The following GUCA1C variants were observed in gnomAD, a reference collection of about 807,000 sequenced individuals.
The protein encoded by GUCA1C is guanylyl cyclase-activating protein 3.
In GUCA1C, 15 loss-of-function variants were observed where a neutral mutation model predicts 16.2. That is an observed-to-expected ratio of 0.93 (90% CI 0.62 to 1.43). The LOEUF (loss-of-function observed/expected upper bound fraction) is 1.43. GUCA1C is among the 40% of genes most tolerant of loss of function. GUCA1C has a pLI of 0.00. For synonymous variants in GUCA1C, 78 were observed against 85.4 expected (o/e 0.91, Z 0.48); for missense variants, 275 against 244.8 (o/e 1.12, Z -0.82).
At chr3:108,946,268 T>C (rs1576557349) in intron 1 of GUCA1C, among the ~76,000 whole-genome samples, 1 of 152,138 alleles carries the variant, frequency 6.6e-6, no homozygotes, top group African/African-American at 2.4e-5. Context: ...TCTGAGACTA[T>C]AGATGTGAGC....
At position 108,927,498 on chromosome 3, in the gene GUCA1C, G is replaced by A. The variant is rs1196198540; in HGVS notation, c.205-6913C>T. ...AAAAGCCTTGTCTTTGAGCTCTAAA[G>A]TTCTTTCTTATGCTTATTTGATTCT... On this transcript the variant is annotated intron_variant, in intron 1 of 3. Transcript: ENST00000261047. Among the ~76,000 whole-genome samples the A allele has an allele frequency of 1.1e-4, 16 of 145,788 alleles. No individual in the cohort carries two copies. In the Admixed American group the frequency reaches 1.1e-3, roughly 10 times the overall value.
intron 2 of GUCA1C, among the ~76,000 whole-genome samples, chr3:108,917,158 T>C (rs1465147362): frequency 6.6e-6 from 1 of 152,226 alleles, no homozygotes; most frequent in Non-Finnish European, 1.5e-5. Context: ...AATAGTTACA[T>C]ACATACAGCA....
intron 1 of GUCA1C, among the ~76,000 whole-genome samples, chr3:108,940,672 T>G (rs368935065): frequency 6.6e-6 from 1 of 152,202 alleles, no homozygotes; most frequent in African/African-American, 2.4e-5. Flanking sequence ...GAAACACCTT[T>G]CGTTTGGAAA....
chr3:108,909,393 A>G (rs977573395), intron 3 of GUCA1C, among the ~76,000 whole-genome samples: 12 of 152,186 alleles, frequency 7.9e-5, no homozygotes, highest in African/African-American at 2.7e-4. Flanking sequence ...CAAATTTTTA[A>G]AAGTGGTATG....
intron 1 of GUCA1C, among the ~76,000 whole-genome samples, chr3:108,940,036 G>C (rs139631936): frequency 1.3e-5 from 2 of 152,244 alleles, no homozygotes; most frequent in East Asian, 3.9e-4. Context: ...GTCTTTAACA[G>C]GTAAAATTCT....
intron 1 of GUCA1C, among the ~76,000 whole-genome samples, chr3:108,940,102 A>C (rs1946770670): frequency 6.6e-6 from 1 of 152,196 alleles, no homozygotes; most frequent in Admixed American, 6.5e-5. Flanking sequence ...ATTCTTTGTA[A>C]ATTATGAAGT....
upstream of GUCA1C, among the ~76,000 whole-genome samples, chr3:108,954,146 C>T (rs1946927145): frequency 6.6e-6 from 1 of 152,192 alleles, no homozygotes; most frequent in Non-Finnish European, 1.5e-5. Context: ...AGCCTAGATT[C>T]TATGCTTTGT....
At chr3:108,925,814 T>C (rs577895812) in intron 1 of GUCA1C, among the ~76,000 whole-genome samples, 1 of 152,284 alleles carries the variant, frequency 6.6e-6, no homozygotes, top group East Asian at 1.9e-4. Flanking sequence ...AGGCTGGGCA[T>C]AGTGGCTCAC....
At chr3:108,952,312 G>A (rs2593927) in intron 1 of GUCA1C, among the ~76,000 whole-genome samples, 18,518 of 152,122 alleles carry the variant, frequency 0.12, 1,193 homozygotes, top group Non-Finnish European at 0.15. Context: ...TAACAAAAGC[G>A]GAATCTGTCA....
At chr3:108,939,680 G>T (rs1946766354) in intron 1 of GUCA1C, among the ~76,000 whole-genome samples, 1 of 151,376 alleles carries the variant, frequency 6.6e-6, no homozygotes, top group Non-Finnish European at 1.5e-5. Flanking sequence ...CAGAAGAACT[G>T]CTTCTGAATT....
At chr3:108,911,103 C>T (rs1479742508) in intron 3 of GUCA1C, among the ~76,000 whole-genome samples, 1 of 152,118 alleles carries the variant, frequency 6.6e-6, no homozygotes. Flanking sequence ...AGGTCAGTAT[C>T]ACTGGTGGCC....
rs374024006 is a variant in GUCA1C, at chr3:108,928,917, T to C, written c.205-8332A>G. Among the ~76,000 whole-genome samples the C allele has an allele frequency of 2.0e-5, 3 of 152,352 alleles. No homozygotes were observed. The East Asian group carries it at 5.8e-4, about 29-fold the overall frequency. On this transcript the variant is annotated intron_variant, in intron 1 of 3. Coordinates refer to ENST00000261047, the MANE Select transcript of GUCA1C (RefSeq NM_005459.4). ...TCTCCTTCAATATTATATTGGCGAT[T>C]CTGGGTCTTTTGCCTCTCCATATAA... is the stretch of plus-strand genomic sequence containing the variant.
Position 108,908,070 on chromosome 3 carries a change from G to T in GUCA1C, c.582C>A (p.Ser194=), listed in dbSNP as rs1200680455. The change falls in exon 4 of 4, where the codon TCC becomes TCA. Residue 194 remains serine, a synonymous_variant. Coordinates refer to ENST00000261047, the MANE Select transcript of GUCA1C (RefSeq NM_005459.4). ...NGKQPDMETD[S]SKSPDKAGLG... ...GACCAGCCTTGTCAGGAGATTTGGA[G>T]GAGTCTGTCTCCATGTCTGGCTGCT... 6 of 1,613,706 alleles carry T rather than the reference G, an allele frequency of 3.7e-6. No homozygotes were observed. Among genetic ancestry groups the T allele is most frequent in the Non-Finnish European group, 5.1e-6 (6 of 1,179,844 alleles).
intron 3 of GUCA1C, among the ~76,000 whole-genome samples, chr3:108,914,479 G>A (rs1946486935): frequency 6.6e-6 from 1 of 152,164 alleles, no homozygotes; most frequent in Admixed American, 6.5e-5. Flanking sequence ...GTACTTCTCC[G>A]AGGAAGGTCA....
chr3:108,948,880 C>G (rs1432772075), intron 1 of GUCA1C, among the ~76,000 whole-genome samples: 2 of 149,942 alleles, frequency 1.3e-5, no homozygotes, highest in Admixed American at 1.3e-4. Flanking sequence ...TGGAGTCTCA[C>G]TCTGTCACCC....
At chr3:108,919,886 G>A (rs1298266300) in intron 2 of GUCA1C, among the ~76,000 whole-genome samples, 2 of 151,758 alleles carry the variant, frequency 1.3e-5, no homozygotes, top group African/African-American at 2.4e-5. Flanking sequence ...TTTTTACTCT[G>A]GGATCTTTGT....
intron 1 of GUCA1C, among the ~76,000 whole-genome samples, chr3:108,946,439 G>T (rs1280354838): frequency 2.0e-5 from 3 of 152,076 alleles, no homozygotes; most frequent in East Asian, 3.9e-4. Flanking sequence ...CACAGCCTAT[G>T]GTACATTTTG....
At position 108,925,055 on chromosome 3, in the gene GUCA1C, T is replaced by G. The variant is rs1422750147; in HGVS notation, c.205-4470A>C. Among the ~76,000 whole-genome samples, 9 of 152,072 alleles carry G rather than the reference T, an allele frequency of 5.9e-5. No homozygotes were observed. In the East Asian group the frequency reaches 1.5e-3, roughly 26 times the overall value. The stretch of plus-strand genomic sequence containing the variant: ...GTTAATCTAGTTAATGGCCTGTCAA[T>G]TTTATTTATCTTTTCAAAGAACCAG... On this transcript the variant is annotated intron_variant, in intron 1 of 3. Coordinates refer to ENST00000261047, the MANE Select transcript of GUCA1C (RefSeq NM_005459.4).
intron 3 of GUCA1C, among the ~76,000 whole-genome samples, chr3:108,915,080 GT>G (rs1946494289): frequency 6.6e-6 from 1 of 152,170 alleles, no homozygotes; most frequent in African/African-American, 2.4e-5. Context: ...TTGTCCAGTC[GT>G]TTGGCTTTTT....
Sources: allele counts gnomAD v4.1 joint callset (sites outside exome capture counted in the v4.1 genomes callset), GRCh38; gene constraint gnomAD v4.1.1; transcripts MANE v1.5; gene names NCBI Gene and HGNC (gene_info 2026-07-23, HGNC 2026-07-21).